SGCZ: variants seen among roughly 807,000 people sequenced by gnomAD.
The protein encoded by SGCZ is zeta-sarcoglycan.
SGCZ carries 40 observed loss-of-function variants against 41.3 expected under a neutral mutation model. The ratio of observed to expected loss-of-function variants is 0.97; its 90% CI spans 0.75 to 1.26. The LOEUF is 1.26. SGCZ is among the 50% of genes most tolerant of loss of function. The pLI is 0.00. For missense variants in SGCZ, 552 were observed against 369.8 expected (o/e 1.49, Z -4.04); for synonymous variants, 206 against 137.5 (o/e 1.50, Z -3.49).
In SGCZ at chr8:14,417,208, A is replaced by T. The variant is rs572304504; in HGVS notation, c.235-93004T>A. Among the ~76,000 whole-genome samples the T allele has an allele frequency of 1.2e-3, 189 of 151,998 alleles. 1 individual carries two copies. The highest frequency in any genetic ancestry group is 3.8e-3 in the African/African-American group (158 of 41,538). On this transcript the variant is annotated intron_variant, in intron 2 of 7. Transcript: ENST00000382080. ...TAACATGGAAGAAGTGTGAATGCTG[A>T]CCTAAGCGATCTTCAACTCAGTTCG...
At chr8:14,837,827 G>C (rs1001794279) in intron 1 of SGCZ, among the ~76,000 whole-genome samples, 1 of 151,856 alleles carries the variant, frequency 6.6e-6, no homozygotes, top group African/African-American at 2.4e-5. Context: ...TATATTTAGG[G>C]AGTGCATGTG....
At chr8:14,690,979 T>G (rs1352774777) in intron 1 of SGCZ, among the ~76,000 whole-genome samples, 1 of 152,192 alleles carries the variant, frequency 6.6e-6, no homozygotes, top group Non-Finnish European at 1.5e-5. Flanking sequence ...TGTGTCCAGG[T>G]GAACATAAGC....
At chr8:15,009,022 C>G (rs1256503649) in intron 1 of SGCZ, among the ~76,000 whole-genome samples, 1 of 152,102 alleles carries the variant, frequency 6.6e-6, no homozygotes. Context: ...CTGGCCCAAG[C>G]TATACAATTG....
At position 14,907,509 on chromosome 8, in the gene SGCZ, C is replaced by T. The variant is rs186719913; in HGVS notation, c.39+330076G>A. 1.3e-3 allele frequency among the ~76,000 whole-genome samples: 195 copies of T among 152,138 alleles called. 4 individuals carry two copies. The South Asian group carries it at 0.032, about 25-fold the overall frequency. On this transcript the variant is annotated intron_variant, in intron 1 of 7. Transcript: ENST00000382080. Reference sequence around the variant, plus strand: ...AGCCTCAGTTAACTATTAAGAAGTGCCGCTTCAACTATTGGAGGAGCTAAA... The same window carrying T: ...AGCCTCAGTTAACTATTAAGAAGTGTCGCTTCAACTATTGGAGGAGCTAAA...
intron 1 of SGCZ, among the ~76,000 whole-genome samples, chr8:14,664,350 T>A (rs1005668850): frequency 6.6e-6 from 1 of 152,182 alleles, no homozygotes; most frequent in Non-Finnish European, 1.5e-5. Context: ...ACTAGAATTA[T>A]GTTAGATTAC....
intron 1 of SGCZ, among the ~76,000 whole-genome samples, chr8:14,601,539 G>A (rs371300027): frequency 1.3e-5 from 2 of 151,928 alleles, no homozygotes; most frequent in African/African-American, 4.8e-5. Context: ...TTATATGTTC[G>A]GAGACAGGAG....
intron 2 of SGCZ, among the ~76,000 whole-genome samples, chr8:14,404,919 G>T (rs1198374783): frequency 6.6e-6 from 1 of 152,168 alleles, no homozygotes; most frequent in Non-Finnish European, 1.5e-5. Context: ...CTCTTCTTTC[G>T]TTCCCTGTGG....
intron 4 of SGCZ, among the ~76,000 whole-genome samples, chr8:14,218,084 T>G (rs1455282682): frequency 2.0e-5 from 3 of 152,174 alleles, no homozygotes; most frequent in African/African-American, 7.2e-5. Context: ...GGATATCTAC[T>G]TGACCACTCT....
At chr8:14,608,553 G>A (rs1805826957) in intron 1 of SGCZ, among the ~76,000 whole-genome samples, 1 of 152,128 alleles carries the variant, frequency 6.6e-6, no homozygotes, top group South Asian at 2.1e-4. Flanking sequence ...GAGGGAGTAA[G>A]AACTCACTCA....
chr8:14,765,342 T>C (rs1338557221), intron 1 of SGCZ, among the ~76,000 whole-genome samples: 1 of 152,234 alleles, frequency 6.6e-6, no homozygotes, highest in Non-Finnish European at 1.5e-5. Context: ...CATTTTAAAT[T>C]ACTGTCAAGG....
chr8:14,099,512 G>A (rs1237356845), intron 7 of SGCZ, among the ~76,000 whole-genome samples: 1 of 152,064 alleles, frequency 6.6e-6, no homozygotes, highest in Non-Finnish European at 1.5e-5. Flanking sequence ...GGATCACGAG[G>A]TCAGGAGTTC....
At chr8:14,667,999 C>A (rs984235592) in intron 1 of SGCZ, among the ~76,000 whole-genome samples, 2 of 152,146 alleles carry the variant, frequency 1.3e-5, no homozygotes, top group African/African-American at 4.8e-5. Context: ...CTCTGTCGCC[C>A]AGGCTGTAGT....
chr8:14,588,543 C>G (rs1419445889), intron 1 of SGCZ, among the ~76,000 whole-genome samples: 1 of 151,896 alleles, frequency 6.6e-6, no homozygotes, highest in African/African-American at 2.4e-5. Flanking sequence ...AATATTACAA[C>G]AAAGCTACAT....
At chr8:14,859,712 T>C (rs1394657847) in intron 1 of SGCZ, among the ~76,000 whole-genome samples, 1 of 152,184 alleles carries the variant, frequency 6.6e-6, no homozygotes, top group African/African-American at 2.4e-5. Flanking sequence ...ATGATATATG[T>C]ATTGCAATGA....
At chr8:14,601,213 G>A (rs1000849708) in intron 1 of SGCZ, among the ~76,000 whole-genome samples, 35 of 151,798 alleles carry the variant, frequency 2.3e-4, no homozygotes, top group Non-Finnish European at 4.9e-4. Context: ...AATTCTATTG[G>A]TGATTAAATC....
At chr8:15,094,472 C>T (rs1303001030) in intron 1 of SGCZ, among the ~76,000 whole-genome samples, 1 of 152,042 alleles carries the variant, frequency 6.6e-6, no homozygotes, top group Non-Finnish European at 1.5e-5. Flanking sequence ...TGTCTGAGGA[C>T]ACATATGAGC....
intron 2 of SGCZ, among the ~76,000 whole-genome samples, chr8:14,335,321 A>T (rs1802471499): frequency 6.6e-6 from 1 of 152,098 alleles, no homozygotes; most frequent in African/African-American, 2.4e-5. Context: ...GAATTTTAAA[A>T]GACCCTATAA....
chr8:14,616,237 C>A (rs967561543), intron 1 of SGCZ, among the ~76,000 whole-genome samples: 1 of 150,784 alleles, frequency 6.6e-6, no homozygotes, highest in African/African-American at 2.4e-5. Flanking sequence ...GAGTGGAGAT[C>A]GCATCACTGC....
intron 2 of SGCZ, among the ~76,000 whole-genome samples, chr8:14,496,775 C>T (rs1042187513): frequency 7.2e-5 from 11 of 152,224 alleles, no homozygotes; most frequent in African/African-American, 2.4e-4. Context: ...GTTCTTTACT[C>T]TTAAAGAATT....
Sources: gnomAD v4.1 joint callset for allele counts (sites outside exome capture counted in the v4.1 genomes callset) on GRCh38, gnomAD v4.1.1 for gene constraint, MANE v1.5 for transcripts, NCBI Gene and HGNC (gene_info 2026-07-23, HGNC 2026-07-21) for gene names.